Variants in EYS observed in about 807,000 individuals in gnomAD.
The protein encoded by EYS is EGF-like photoreceptor maintenance factor, also known as protein eyes shut homolog.
A neutral mutation model predicts 282.1 loss-of-function variants in EYS; 250 were observed. The ratio of observed to expected loss-of-function variants is 0.89; its 90% CI spans 0.80 to 0.98. The LOEUF (loss-of-function observed/expected upper bound fraction) is 0.98. Among genes scored for constraint, EYS ranks in the 50% least tolerant of loss-of-function variants. The pLI is 0.00. For missense variants in EYS, 4,016 were observed against 3,709.0 expected (o/e 1.08, Z -2.15); for synonymous variants, 1,355 against 1,282.9 (o/e 1.06, Z -1.20).
chr6:65,394,670 C>T (rs902245509), intron 7 of EYS, among the ~76,000 whole-genome samples: 1 of 152,082 alleles, frequency 6.6e-6, no homozygotes, highest in African/African-American at 2.4e-5. Context: ...CCCTTTTTAC[C>T]ATTACCTCAG....
intron 26 of EYS, among the ~76,000 whole-genome samples, chr6:64,464,011 C>T (rs1215531661): frequency 3.3e-5 from 5 of 152,124 alleles, no homozygotes; most frequent in Admixed American, 2.6e-4. Context: ...TACAGACCAA[C>T]GTCCTTGAAA....
intron 12 of EYS, among the ~76,000 whole-genome samples, chr6:65,163,430 A>G (rs73439500): frequency 0.02 from 2,952 of 151,374 alleles, 35 homozygotes; most frequent in African/African-American, 0.022. Context: ...TTCTTACATG[A>G]AATATGTTAA....
chr6:65,112,705 G>A (rs1227300440), intron 12 of EYS, among the ~76,000 whole-genome samples: 1 of 152,028 alleles, frequency 6.6e-6, no homozygotes, highest in Non-Finnish European at 1.5e-5. Context: ...ATATAAAACA[G>A]TATTTATGGT....
At position 65,615,515 on chromosome 6, in the gene EYS, GATA is replaced by G. The variant is rs547751463; in HGVS notation, c.-333+24260_-333+24262del. ...TGTGCCACATTTTTACTGTCTTTTG[GATA>G]ATATGATTTTTAATTTTTTAAATAT... is the stretch of plus-strand genomic sequence containing the variant. On this transcript the variant is annotated intron_variant, in intron 2 of 42. Coordinates refer to ENST00000503581, the MANE Select transcript of EYS (RefSeq NM_001142800.2). Among the ~76,000 whole-genome samples, 19 of 151,296 alleles carry G rather than the reference GATA, an allele frequency of 1.3e-4. No individual in the cohort carries two copies. The South Asian group carries it at 3.7e-3, about 30-fold the overall frequency.
intron 26 of EYS, among the ~76,000 whole-genome samples, chr6:64,461,495 A>AT (rs1775745443): frequency 6.6e-6 from 1 of 152,194 alleles, no homozygotes; most frequent in African/African-American, 2.4e-5. Context: ...GCAGGGGTTT[A>AT]TATATGGTAA....
chr6:65,201,357 G>A (rs998977931), intron 12 of EYS, among the ~76,000 whole-genome samples: 1 of 152,026 alleles, frequency 6.6e-6, no homozygotes, highest in Admixed American at 6.6e-5. Context: ...ATTACTAAAA[G>A]GACACATATA....
chr6:64,083,396 C>A (rs1051984289), intron 31 of EYS, among the ~76,000 whole-genome samples: 1 of 152,180 alleles, frequency 6.6e-6, no homozygotes, highest in Non-Finnish European at 1.5e-5. Flanking sequence ...TCCTCCTTCA[C>A]CAGCCTATCT....
intron 14 of EYS, among the ~76,000 whole-genome samples, chr6:64,987,603 A>C (rs895789662): frequency 1.3e-5 from 2 of 151,482 alleles, no homozygotes; most frequent in Non-Finnish European, 3.0e-5. Context: ...CAGCATATGT[A>C]GGACAGAAAG....
intron 9 of EYS, among the ~76,000 whole-genome samples, chr6:65,348,742 G>A (rs562150182): frequency 2.0e-5 from 3 of 151,374 alleles, no homozygotes; most frequent in South Asian, 2.1e-4. Flanking sequence ...TCTATTTTTT[G>A]TTTGATTACT....
chr6:63,842,886 G>A, intron 36 of EYS, among the ~76,000 whole-genome samples: 1 of 152,050 alleles, frequency 6.6e-6, no homozygotes. Flanking sequence ...TTGCTTGTTT[G>A]TGTTAGGTTT....
At chr6:64,505,892 T>C (rs1777192953) in intron 26 of EYS, among the ~76,000 whole-genome samples, 1 of 152,188 alleles carries the variant, frequency 6.6e-6, no homozygotes, top group Admixed American at 6.5e-5. Flanking sequence ...TATTTGGCAT[T>C]GTTGAAGGCA....
chr6:64,866,717 T>C (rs551751446), intron 19 of EYS, among the ~76,000 whole-genome samples: 2 of 151,944 alleles, frequency 1.3e-5, no homozygotes, highest in African/African-American at 4.8e-5. Context: ...TGTCCAAATA[T>C]ATCTTTAAAG....
chr6:65,549,054 T>C (rs193172846), intron 2 of EYS, among the ~76,000 whole-genome samples: 16 of 152,254 alleles, frequency 1.1e-4, no homozygotes, highest in Admixed American at 8.5e-4. Context: ...GAGGCTCTAA[T>C]GCGCCCCTGA....
At chr6:65,464,237 G>A (rs756727314) in intron 5 of EYS, among the ~76,000 whole-genome samples, 1 of 152,080 alleles carries the variant, frequency 6.6e-6, no homozygotes, top group Non-Finnish European at 1.5e-5. Flanking sequence ...AGACACAGGA[G>A]ATATGAAGCA....
intron 28 of EYS, among the ~76,000 whole-genome samples, chr6:64,406,097 G>C (rs1308336940): frequency 6.6e-6 from 1 of 152,124 alleles, no homozygotes; most frequent in Non-Finnish European, 1.5e-5. Context: ...GCATGGTACT[G>C]GTAGCAAAAC....
chr6:65,342,403 T>C (rs963799170), intron 10 of EYS, among the ~76,000 whole-genome samples: 2 of 151,048 alleles, frequency 1.3e-5, no homozygotes, highest in African/African-American at 4.8e-5. Flanking sequence ...GAATGTTTTA[T>C]TGATGATACT....
At chr6:65,349,944 C>A (rs1770538580) in intron 9 of EYS, among the ~76,000 whole-genome samples, 1 of 151,444 alleles carries the variant, frequency 6.6e-6, no homozygotes, top group Admixed American at 6.6e-5. Context: ...TGCATTTTAA[C>A]ATTTTAATTC....
chr6:64,809,914 A>T (rs1405596054), intron 22 of EYS, among the ~76,000 whole-genome samples: 5 of 152,100 alleles, frequency 3.3e-5, no homozygotes, highest in Non-Finnish European at 5.9e-5. Flanking sequence ...AAGCCTCAGC[A>T]TCAAGTAATT....
intron 30 of EYS, among the ~76,000 whole-genome samples, chr6:64,293,736 T>C (rs1272782228): frequency 1.3e-5 from 2 of 152,178 alleles, no homozygotes; most frequent in Non-Finnish European, 2.9e-5. Context: ...TTTCTCTGAC[T>C]TATAAGTATT....
Sources: gnomAD v4.1 joint callset for allele counts (sites outside exome capture counted in the v4.1 genomes callset) on GRCh38, gnomAD v4.1.1 for gene constraint, MANE v1.5 for transcripts, NCBI Gene and HGNC (gene_info 2026-07-23, HGNC 2026-07-21) for gene names.